Variants in DTNA observed in about 807,000 individuals in gnomAD.
DTNA encodes the protein dystrobrevin alpha, also known as dystrophin-related protein 3.
In DTNA, 43 loss-of-function variants were observed where a neutral mutation model predicts 100.7. That is an observed-to-expected ratio of 0.43 (90% CI 0.33 to 0.55). The LOEUF (loss-of-function observed/expected upper bound fraction) is 0.55. Ranked by LOEUF, DTNA falls within the 20% of genes least tolerant of loss-of-function variation. The pLI is 0.04. For missense variants in DTNA, 798 were observed against 953.9 expected, an observed-to-expected ratio of 0.84 and a Z score of 2.15; for synonymous variants, 349 against 347.9, an observed-to-expected ratio of 1.00 and a Z score of -0.04.
intron 2 of DTNA, 108 bp downstream of exon 2, chr18:34,756,151 C>T: frequency 7.6e-7 from 1 of 1,314,088 alleles, no homozygotes; most frequent in Middle Eastern, 2.1e-4. Flanking sequence ...CCTTAGGATC[C>T]TAAGTTCCTT....
chr18:34,745,540 T>A (rs2091432490), intron 1 of DTNA, among the ~76,000 whole-genome samples: 1 of 152,092 alleles, frequency 6.6e-6, no homozygotes, highest in South Asian at 2.1e-4. Flanking sequence ...AGGATGCGAG[T>A]TTCTGCCTGA....
At chr18:34,576,283 A>G (rs559316145) in intron 1 of DTNA, among the ~76,000 whole-genome samples, 3 of 152,196 alleles carry the variant, frequency 2.0e-5, no homozygotes, top group Non-Finnish European at 4.4e-5. Context: ...CCTATTGGTC[A>G]CTGTAGTCTT....
intron 1 of DTNA, among the ~76,000 whole-genome samples, chr18:34,611,550 C>CCCA (rs1441743419): frequency 6.6e-6 from 1 of 152,076 alleles, no homozygotes; most frequent in African/African-American, 2.4e-5. Context: ...AAAAGTGGCA[C>CCCA]CCGAGACTCC....
intron 1 of DTNA, among the ~76,000 whole-genome samples, chr18:34,534,869 C>T (rs752390608): frequency 6.6e-6 from 1 of 152,146 alleles, no homozygotes; most frequent in Non-Finnish European, 1.5e-5. Flanking sequence ...ATATGTGCCA[C>T]ATTTTCTTTA....
intron 2 of DTNA, among the ~76,000 whole-genome samples, chr18:34,761,329 T>A (rs2093156347): frequency 6.6e-6 from 1 of 152,222 alleles, no homozygotes; most frequent in African/African-American, 2.4e-5. Context: ...GGCTATATAA[T>A]GAGCTATCAA....
In DTNA at chr18:34,820,945, A is replaced by G. The variant is rs1360451370; in HGVS notation, c.1001+30A>G. On this transcript the variant is annotated intron_variant, in intron 9 of 22. Coordinates refer to ENST00000444659, the MANE Select transcript of DTNA (RefSeq NM_001386795.1). ...GTATCCCTACCCTCCCAGTATAGAG[A>G]CAATTTTCTTCAAGGGCACATGTCT... is the stretch of plus-strand genomic sequence containing the variant. 7 of 1,613,702 alleles carry G rather than the reference A, an allele frequency of 4.3e-6. No homozygotes were observed. The African/African-American group carries it at 9.4e-5, about 22-fold the overall frequency.
At chr18:34,594,620 T>C (rs191620154) in intron 1 of DTNA, among the ~76,000 whole-genome samples, 12 of 152,360 alleles carry the variant, frequency 7.9e-5, no homozygotes, top group Non-Finnish European at 1.6e-4. Context: ...GGGCTTCTTA[T>C]GGATTTTTCA....
chr18:34,553,683 TA>T (rs2045704772), intron 1 of DTNA, among the ~76,000 whole-genome samples: 1 of 150,802 alleles, frequency 6.6e-6, no homozygotes, highest in Non-Finnish European at 1.5e-5. Flanking sequence ...AAAGATCAGA[TA>T]GTTGTAGATA....
At position 34,640,246 on chromosome 18, in the gene DTNA, G is replaced by A. The variant is rs112712432; in HGVS notation, c.-1-115730G>A. Among the ~76,000 whole-genome samples, 293 of 152,264 alleles carry A rather than the reference G, an allele frequency of 1.9e-3. 3 individuals are homozygous for A. Among genetic ancestry groups the A allele is most frequent in the African/African-American group, 6.6e-3 (275 of 41,562 alleles). On this transcript the variant is annotated intron_variant, in intron 1 of 19. Transcript: ENST00000283365. The stretch of plus-strand genomic sequence containing the variant: ...TTACCTCTCTCAGCAACAGCTATGG[G>A]ATGGTGTGACTGACTCCCTGCCTGC...
At chr18:34,616,221 C>T (rs2055254712) in intron 1 of DTNA, among the ~76,000 whole-genome samples, 1 of 152,170 alleles carries the variant, frequency 6.6e-6, no homozygotes, top group African/African-American at 2.4e-5. Context: ...ATAAGTGCTC[C>T]CTTTCCTCCA....
upstream of DTNA, chr18:34,710,169 A>C (rs2082630198): frequency 6.6e-6 from 1 of 152,174 alleles, no homozygotes; most frequent in Non-Finnish European, 1.5e-5. Context: ...TGACTTTGTC[A>C]GGGTGGGTGG....
intron 1 of DTNA, among the ~76,000 whole-genome samples, chr18:34,688,798 T>G (rs1346849851): frequency 6.6e-6 from 1 of 152,216 alleles, no homozygotes; most frequent in Non-Finnish European, 1.5e-5. Context: ...GTAGATTTTG[T>G]CTTTTCACCT....
rs555438018 is a variant in DTNA at position 34,733,524 on chromosome 18, C to T, written c.-1-22452C>T. Among the ~76,000 whole-genome samples the T allele has an allele frequency of 3.3e-5, 5 of 152,190 alleles. No homozygotes were observed. The South Asian group carries it at 1.0e-3, about 32-fold the overall frequency. ...TTGATGGTTGAGTGCCAACTTGGAC[C>T]CTGCCACCTTGGGATCCAATTATTC... On this transcript the variant is annotated intron_variant, in intron 1 of 22. Coordinates refer to ENST00000444659, the MANE Select transcript of DTNA (RefSeq NM_001386795.1).
intron 11 of DTNA, among the ~76,000 whole-genome samples, chr18:34,832,172 C>G (rs2096027018): frequency 6.6e-6 from 1 of 152,090 alleles, no homozygotes; most frequent in East Asian, 1.9e-4. Context: ...AGATTAATGC[C>G]CATCCATTTT....
intron 17 of DTNA, among the ~76,000 whole-genome samples, chr18:34,864,400 C>T (rs2096669931): frequency 6.6e-6 from 1 of 152,040 alleles, no homozygotes; most frequent in Non-Finnish European, 1.5e-5. Context: ...ACTACAGGCC[C>T]CCGCCACCGC....
intron 2 of DTNA, among the ~76,000 whole-genome samples, chr18:34,759,235 A>G (rs529054470): frequency 4.6e-5 from 7 of 152,330 alleles, no homozygotes; most frequent in African/African-American, 1.7e-4. Flanking sequence ...CAGCCATCAT[A>G]TAAGTTTAGC....
intron 1 of DTNA, among the ~76,000 whole-genome samples, chr18:34,503,361 C>T (rs2040146030): frequency 7.1e-6 from 1 of 140,694 alleles, no homozygotes; most frequent in Non-Finnish European, 1.5e-5. Context: ...AATCTCGGCT[C>T]ACTGCAAGCT....
intron 1 of DTNA, among the ~76,000 whole-genome samples, chr18:34,534,645 C>T (rs1232828016): frequency 6.6e-6 from 1 of 151,974 alleles, no homozygotes; most frequent in East Asian, 1.9e-4. Context: ...CCTCCTCTTC[C>T]CTCCAACCCC....
intron 1 of DTNA, among the ~76,000 whole-genome samples, chr18:34,534,240 T>C (rs1427385541): frequency 6.6e-6 from 1 of 152,092 alleles, no homozygotes; most frequent in African/African-American, 2.4e-5. Flanking sequence ...TCCCAGCTGA[T>C]TGGGAGGCTG....
Sources: allele counts gnomAD v4.1 joint callset (sites outside exome capture counted in the v4.1 genomes callset), GRCh38; gene constraint gnomAD v4.1.1; transcripts MANE v1.5; gene names NCBI Gene and HGNC (gene_info 2026-07-23, HGNC 2026-07-21).